Variants in SGCD observed in about 807,000 individuals in gnomAD.
The protein encoded by SGCD is sarcoglycan delta.
A neutral mutation model predicts 36.6 loss-of-function variants in SGCD; 18 were observed. The observed-to-expected ratio is 0.49, with a 90% CI of 0.34 to 0.73. The LOEUF (loss-of-function observed/expected upper bound fraction) is 0.73. Ranked by LOEUF, SGCD falls within the 30% of genes least tolerant of loss-of-function variation. The pLI, the probability that SGCD is intolerant of heterozygous loss-of-function variation, is 0.01. For synonymous variants in SGCD, 133 were observed against 130.6 expected, an observed-to-expected ratio of 1.02 and a Z score of -0.12; for missense variants, 387 against 346.7, an observed-to-expected ratio of 1.12 and a Z score of -0.92.
chr5:156,493,553 C>G (rs1180565594), intron 3 of SGCD, among the ~76,000 whole-genome samples: 3 of 152,116 alleles, frequency 2.0e-5, no homozygotes, highest in Non-Finnish European at 4.4e-5. Context: ...CTCTGGATAT[C>G]TGAAACTTCT....
At chr5:156,622,450 T>C (rs1201580871) in intron 6 of SGCD, among the ~76,000 whole-genome samples, 1 of 141,054 alleles carries the variant, frequency 7.1e-6, no homozygotes, top group Admixed American at 7.0e-5. Context: ...ATAATAATAA[T>C]AATAATAATA....
chr5:156,640,220 T>A (rs879933178), intron 6 of SGCD, among the ~76,000 whole-genome samples: 2 of 152,144 alleles, frequency 1.3e-5, no homozygotes, highest in Admixed American at 1.3e-4. Context: ...CTTACTATCA[T>A]AGATATACTA....
chr5:155,889,402 G>A (rs1416936001), intron 1 of SGCD, among the ~76,000 whole-genome samples: 1 of 151,850 alleles, frequency 6.6e-6, no homozygotes, highest in Non-Finnish European at 1.5e-5. Flanking sequence ...AAGAAGTTTG[G>A]GGCTCCACAC....
At chr5:156,482,699 A>T (rs749669184) in intron 3 of SGCD, among the ~76,000 whole-genome samples, 20 of 152,198 alleles carry the variant, frequency 1.3e-4, no homozygotes, top group Non-Finnish European at 1.9e-4. Context: ...TCAAGAGCTA[A>T]AAAGAAAAAT....
intron 1 of SGCD, among the ~76,000 whole-genome samples, chr5:155,910,010 A>AT (rs1017827803): frequency 1.2e-4 from 18 of 151,862 alleles, no homozygotes; most frequent in Non-Finnish European, 1.6e-4. Context: ...TTGTAGGCTC[A>AT]TTTTTTTTCT....
intron 4 of SGCD, among the ~76,000 whole-genome samples, chr5:156,523,045 C>T (rs1757480516): frequency 2.0e-5 from 3 of 152,016 alleles, no homozygotes; most frequent in Admixed American, 6.6e-5. Flanking sequence ...TTCCATCATC[C>T]TAATTACCAA....
chr5:156,191,493 T>C (rs1763893272), intron 3 of SGCD, among the ~76,000 whole-genome samples: 2 of 152,206 alleles, frequency 1.3e-5, no homozygotes, highest in South Asian at 4.1e-4. Context: ...GGATTGAGCA[T>C]AAGCCTCCAG....
At chr5:155,890,638 T>TGATAGATA (rs34093451) in intron 1 of SGCD, among the ~76,000 whole-genome samples, 21,474 of 143,360 alleles carry the variant, frequency 0.15, 1,769 homozygotes, top group Admixed American at 0.23. Flanking sequence ...GATAGACAGA[T>TGATAGATA]GATAGATAGA....
intron 3 of SGCD, among the ~76,000 whole-genome samples, chr5:156,135,039 C>A (rs575383432): frequency 7.2e-5 from 11 of 152,234 alleles, no homozygotes; most frequent in African/African-American, 2.6e-4. Flanking sequence ...TTCAAGGCAA[C>A]AATTCTTGTT....
chr5:156,607,258 A>G (rs1036581976), intron 6 of SGCD, among the ~76,000 whole-genome samples: 2 of 152,190 alleles, frequency 1.3e-5, no homozygotes, highest in East Asian at 1.9e-4. Context: ...AGCATGAAGC[A>G]TTGTTGAATT....
At chr5:155,987,965 C>T (rs1463309645) in intron 1 of SGCD, among the ~76,000 whole-genome samples, 2 of 152,144 alleles carry the variant, frequency 1.3e-5, no homozygotes, top group East Asian at 3.9e-4. Context: ...AGCATCAAAA[C>T]TGCACTCTCA....
chr5:155,980,712 G>C (rs1011505454), intron 1 of SGCD, among the ~76,000 whole-genome samples: 1 of 144,620 alleles, frequency 6.9e-6, no homozygotes, highest in Non-Finnish European at 1.5e-5. Flanking sequence ...CTTTGTTTTG[G>C]TAACTCCTTT....
intron 1 of SGCD, among the ~76,000 whole-genome samples, chr5:156,023,950 A>G (rs757067659): frequency 2.0e-5 from 3 of 152,170 alleles, no homozygotes; most frequent in African/African-American, 4.8e-5. Flanking sequence ...ATTGGAATCC[A>G]GTGTCGAGCA....
chr5:155,796,826 A>AG, the SGCD span, among the ~76,000 whole-genome samples: 4 of 150,276 alleles, frequency 2.7e-5, no homozygotes, highest in Non-Finnish European at 4.4e-5. Context: ...AAAAAAAAAA[A>AG]AAAAAATCAA....
At chr5:156,606,052 A>C (rs966757852) in intron 6 of SGCD, among the ~76,000 whole-genome samples, 3 of 152,156 alleles carry the variant, frequency 2.0e-5, no homozygotes, top group African/African-American at 7.2e-5. Flanking sequence ...TAGCTTAATT[A>C]GATCCCATTT....
intron 1 of SGCD, among the ~76,000 whole-genome samples, chr5:155,905,790 T>C (rs1027906722): frequency 6.6e-6 from 1 of 152,086 alleles, no homozygotes; most frequent in African/African-American, 2.4e-5. Flanking sequence ...CTTTTGCTTT[T>C]TCCTCATTTT....
the SGCD span, among the ~76,000 whole-genome samples, chr5:155,834,566 A>G: frequency 6.6e-6 from 1 of 152,210 alleles, no homozygotes; most frequent in Admixed American, 6.5e-5. Context: ...CATTTTTGAG[A>G]AAAATTAGTG....
intron 7 of SGCD, among the ~76,000 whole-genome samples, chr5:156,723,635 C>T (rs988715951): frequency 6.6e-6 from 1 of 152,182 alleles, no homozygotes; most frequent in Admixed American, 6.5e-5. Flanking sequence ...AGGAAAGCCT[C>T]CCCTGAGGGG....
chr5:156,126,741 A>T (rs1451891999), intron 3 of SGCD, among the ~76,000 whole-genome samples: 1 of 152,238 alleles, frequency 6.6e-6, no homozygotes, highest in Admixed American at 6.5e-5. Flanking sequence ...TAGTCTTTAG[A>T]AAAGGCAAAT....
Sources: allele counts gnomAD v4.1 joint callset (sites outside exome capture counted in the v4.1 genomes callset), GRCh38; gene constraint gnomAD v4.1.1; transcripts MANE v1.5; gene names NCBI Gene and HGNC (gene_info 2026-07-23, HGNC 2026-07-21).